MND1: variants seen among roughly 807,000 people sequenced by gnomAD.
MND1 encodes the protein meiotic nuclear division protein 1 homolog.
In MND1, 28 loss-of-function variants were observed where a neutral mutation model predicts 35.1. The ratio of observed to expected loss-of-function variants is 0.80; its 90% CI spans 0.59 to 1.09. MND1 has a LOEUF of 1.09. Among genes scored for constraint, MND1 ranks in the 50% least tolerant of loss-of-function variants. The pLI is 0.00. For synonymous variants in MND1, 69 were observed against 70.5 expected (o/e 0.98, Z 0.11); for missense variants, 213 against 239.6 (o/e 0.89, Z 0.73).
At chr4:153,396,384 A>G (rs1039221020) in intron 5 of MND1, among the ~76,000 whole-genome samples, 8 of 152,232 alleles carry the variant, frequency 5.3e-5, no homozygotes, top group Non-Finnish European at 1.0e-4. Context: ...CTTTGGAACC[A>G]AAAGGAACAG....
intron 4 of MND1, among the ~76,000 whole-genome samples, chr4:153,384,748 C>T (rs1007684543): frequency 1.9e-4 from 29 of 152,082 alleles, no homozygotes; most frequent in African/African-American, 7.0e-4. Flanking sequence ...TCAGCATGTA[C>T]TTATTAAGTG....
At chr4:153,411,796 A>G (rs1729691870) in intron 7 of MND1, among the ~76,000 whole-genome samples, 1 of 152,202 alleles carries the variant, frequency 6.6e-6, no homozygotes, top group African/African-American at 2.4e-5. Flanking sequence ...CCTGTAAGCT[A>G]TACACATAAG....
intron 2 of MND1, among the ~76,000 whole-genome samples, chr4:153,353,444 TA>T (rs1773267056): frequency 7.3e-6 from 1 of 136,972 alleles, no homozygotes; most frequent in Non-Finnish European, 1.6e-5. Flanking sequence ...TATATATATA[TA>T]TATTCATCTA....
intron 4 of MND1, among the ~76,000 whole-genome samples, chr4:153,365,758 C>A (rs573995476): frequency 6.6e-6 from 1 of 152,230 alleles, no homozygotes; most frequent in Admixed American, 6.5e-5. Context: ...AGCCATTGTG[C>A]CTGGCCACGG....
intron 7 of MND1, among the ~76,000 whole-genome samples, chr4:153,412,215 A>G (rs1729702293): frequency 6.6e-6 from 1 of 152,238 alleles, no homozygotes; most frequent in Non-Finnish European, 1.5e-5. Context: ...AATTCATTCC[A>G]GAAATGTGTT....
intron 6 of MND1, among the ~76,000 whole-genome samples, chr4:153,402,889 A>G (rs983807964): frequency 2.0e-5 from 3 of 152,230 alleles, no homozygotes; most frequent in Non-Finnish European, 2.9e-5. Flanking sequence ...GCAGTGGTTT[A>G]TGCTTGTAAT....
chr4:153,358,608 G>A lies in MND1; in HGVS notation c.262G>A (p.Val88Ile), dbSNP rs1285450320. 6.2e-7 allele frequency: 1 copy of A among 1,612,116 alleles called. No homozygotes were observed. The change falls in exon 4 of 8, where the codon GTT becomes ATT. Residue 88 changes from valine (V) to isoleucine (I), a missense_variant. Transcript: ENST00000240488. The part of the protein sequence containing the change: ...ALHARKHKLE[V>I]LESQLSEGSQ... ...TCATGCAAGGAAACATAAGTTGGAG[G>A]TTCTGGAATCTCAGGTAAGCTGCCA...
intron 2 of MND1, among the ~76,000 whole-genome samples, chr4:153,350,951 T>TAAAAAAA (rs567868452): frequency 2.4e-5 from 3 of 123,504 alleles, no homozygotes; most frequent in Non-Finnish European, 5.3e-5. Context: ...AGATTCTTAG[T>TAAAAAAA]AAAAAAAAAA....
intron 4 of MND1, among the ~76,000 whole-genome samples, chr4:153,368,570 GCTT>G (rs1486580597): frequency 6.6e-6 from 1 of 152,166 alleles, no homozygotes; most frequent in Non-Finnish European, 1.5e-5. Flanking sequence ...AAAAGGCAAA[GCTT>G]CTTTCTCCTC....
At chr4:153,363,332 C>T (rs1424712582) in intron 4 of MND1, among the ~76,000 whole-genome samples, 1 of 151,974 alleles carries the variant, frequency 6.6e-6, no homozygotes, top group Non-Finnish European at 1.5e-5. Context: ...CTGCCTCAGC[C>T]TCCCAAGTAG....
intron 4 of MND1, among the ~76,000 whole-genome samples, chr4:153,385,715 C>CAAAAAAAAAAAA (rs60037291): frequency 1.2e-5 from 1 of 83,690 alleles, no homozygotes; most frequent in Non-Finnish European, 2.5e-5. Context: ...GACCCTGTCT[C>CAAAAAAAAAAAA]AAAAAAAAAA....
At chr4:153,345,859 A>T (rs946987277) in intron 1 of MND1, among the ~76,000 whole-genome samples, 39 of 152,248 alleles carry the variant, frequency 2.6e-4, no homozygotes, top group African/African-American at 9.4e-4. Context: ...ATCTGTTAGC[A>T]GTGCCCTTCT....
chr4:153,353,033 C>T (rs1015640455), intron 2 of MND1, among the ~76,000 whole-genome samples: 4 of 152,112 alleles, frequency 2.6e-5, no homozygotes, highest in Admixed American at 6.5e-5. Flanking sequence ...TGCATTTAGG[C>T]AGATATCTCA....
chr4:153,344,882 G>T, intron 1 of MND1, 142 bp downstream of exon 1: 4 of 1,376,550 alleles, frequency 2.9e-6, no homozygotes, highest in Admixed American at 2.5e-5. Flanking sequence ...CGGCCTCACC[G>T]TGTAGGGGCC....
At chr4:153,388,070 G>A (rs1728916534) in intron 4 of MND1, among the ~76,000 whole-genome samples, 3 of 152,066 alleles carry the variant, frequency 2.0e-5, no homozygotes, top group Admixed American at 6.6e-5. Flanking sequence ...TGAATAGTCA[G>A]TTCCTCCAGG....
Position 153,350,044 on chromosome 4 carries a change from T to A in MND1, c.4-20T>A, listed in dbSNP as rs544032794. 3 of 1,540,722 alleles carry A rather than the reference T, an allele frequency of 1.9e-6. No individual in the cohort carries two copies. The Admixed American group carries it at 5.8e-5, about 30-fold the overall frequency. On this transcript the variant is annotated intron_variant, in intron 1 of 7. Coordinates refer to ENST00000240488, the MANE Select transcript of MND1 (RefSeq NM_032117.4). ...AATGTGTTTAAAAGCATTGTTTACT[T>A]GTTAATTTTTTTGCTTTAGTCAAAG... is the stretch of plus-strand genomic sequence containing the variant.
chr4:153,397,038 A>G (rs1729214680), intron 5 of MND1, among the ~76,000 whole-genome samples, 181 bp from the exon 6 acceptor site: 1 of 152,212 alleles, frequency 6.6e-6, no homozygotes, highest in Non-Finnish European at 1.5e-5. Context: ...TTCAGGAAAG[A>G]TGAGAATTGA....
At chr4:153,391,739 C>G (rs1245492799) in intron 4 of MND1, among the ~76,000 whole-genome samples, 4 of 151,670 alleles carry the variant, frequency 2.6e-5, no homozygotes, top group Non-Finnish European at 4.4e-5. Context: ...CACACACACA[C>G]ACACACACAC....
At chr4:153,356,181 A>G (rs1037115553) in intron 3 of MND1, among the ~76,000 whole-genome samples, 2 of 152,154 alleles carry the variant, frequency 1.3e-5, no homozygotes, top group African/African-American at 4.8e-5. Context: ...GTCGAAAACA[A>G]TGTGTTGACA....
Sources: gnomAD v4.1 joint callset for allele counts (sites outside exome capture counted in the v4.1 genomes callset) on GRCh38, gnomAD v4.1.1 for gene constraint, MANE v1.5 for transcripts, NCBI Gene and HGNC (gene_info 2026-07-23, HGNC 2026-07-21) for gene names.